The following KCNH1 variants were observed in gnomAD, a reference collection of about 807,000 sequenced individuals.
The protein encoded by KCNH1 is voltage-gated delayed rectifier potassium channel KCNH1.
In KCNH1, 27 loss-of-function variants were observed where a neutral mutation model predicts 69.2. The observed-to-expected ratio is 0.39, with a 90% CI of 0.29 to 0.54. The LOEUF (loss-of-function observed/expected upper bound fraction) is 0.54. Ranked by LOEUF, KCNH1 falls within the 20% of genes least tolerant of loss-of-function variation. KCNH1 has a pLI of 0.68. For missense variants in KCNH1, 798 were observed against 1,261.6 expected (o/e 0.63, Z 5.57); for synonymous variants, 456 against 487.7 (o/e 0.93, Z 0.86).
intron 10 of KCNH1, among the ~76,000 whole-genome samples, chr1:210,687,203 A>G (rs904951468): frequency 2.0e-5 from 3 of 152,258 alleles, no homozygotes; most frequent in African/African-American, 7.2e-5. Context: ...GAGGCTGTAC[A>G]GCAAAGGCTT....
At chr1:211,107,153 C>A (rs1037211092) in intron 2 of KCNH1, 101 bp downstream of exon 2, 2 of 1,326,880 alleles carry the variant, frequency 1.5e-6, no homozygotes, top group South Asian at 2.5e-5. Context: ...TGAATACACA[C>A]TAAATGAGGT....
At chr1:210,862,303 A>C (rs1258196466) in intron 7 of KCNH1, 2 of 817,128 alleles carry the variant, frequency 2.4e-6, no homozygotes, top group African/African-American at 1.7e-5. Context: ...AACTAGGTCA[A>C]ACCCAGGGCT....
chr1:210,785,178 C>T (rs1173987911), intron 9 of KCNH1, among the ~76,000 whole-genome samples: 3 of 152,172 alleles, frequency 2.0e-5, no homozygotes, highest in East Asian at 1.9e-4. Context: ...CTAGGCAGGA[C>T]TATTGAGATT....
intron 10 of KCNH1, among the ~76,000 whole-genome samples, chr1:210,692,759 C>T (rs952006330): frequency 2.6e-5 from 4 of 152,126 alleles, no homozygotes; most frequent in Non-Finnish European, 4.4e-5. Context: ...CAAGGATTGC[C>T]GACAGCAACC....
chr1:210,744,346 T>A (rs1683099789), intron 10 of KCNH1, among the ~76,000 whole-genome samples: 1 of 152,198 alleles, frequency 6.6e-6, no homozygotes, highest in African/African-American at 2.4e-5. Context: ...CATGCAGGGC[T>A]TGATAAAATA....
intron 10 of KCNH1, among the ~76,000 whole-genome samples, chr1:210,712,368 T>C (rs776127301): frequency 6.6e-6 from 1 of 152,186 alleles, no homozygotes; most frequent in Non-Finnish European, 1.5e-5. Flanking sequence ...TTTCTGACAC[T>C]TCCTGGTACT....
At position 211,132,082 on chromosome 1, in the gene KCNH1, C is replaced by T. The variant is rs549891323; in HGVS notation, c.79+1785G>A. ...TTTTACATGTAAGTTTCTCTTCCTG[C>T]TCCCTCCACTCAAAAACATACACAG... is the stretch of plus-strand genomic sequence containing the variant. On this transcript the variant is annotated intron_variant, in intron 1 of 10. Coordinates refer to ENST00000271751, the MANE Select transcript of KCNH1 (RefSeq NM_172362.3). 8.5e-5 allele frequency among the ~76,000 whole-genome samples: 13 copies of T among 152,296 alleles called. No homozygotes were observed. In the South Asian group the frequency reaches 2.5e-3, roughly 29 times the overall value.
intron 6 of KCNH1, among the ~76,000 whole-genome samples, chr1:210,969,838 CTTT>C (rs577515798): frequency 3.6e-4 from 55 of 151,958 alleles, no homozygotes; most frequent in South Asian, 2.7e-3. Context: ...AATCTTTCTT[CTTT>C]GATATCTTAA....
intron 10 of KCNH1, among the ~76,000 whole-genome samples, chr1:210,692,199 T>C (rs1681542074): frequency 6.6e-6 from 1 of 152,184 alleles, no homozygotes. Context: ...TTCACTCTTA[T>C]AAGGCCCCTC....
chr1:210,816,160 G>A (rs374187334), intron 7 of KCNH1, among the ~76,000 whole-genome samples: 1 of 152,116 alleles, frequency 6.6e-6, no homozygotes, highest in South Asian at 2.1e-4. Flanking sequence ...CCCCGAAACA[G>A]AGAATATAAA....
intron 3 of KCNH1, among the ~76,000 whole-genome samples, chr1:211,099,015 CA>C (rs995005820): frequency 9.2e-5 from 14 of 152,186 alleles, no homozygotes; most frequent in African/African-American, 2.6e-4. Context: ...ATAATGTCAA[CA>C]AAATATATTT....
At chr1:210,856,830 TAA>T (rs1558499213) in intron 7 of KCNH1, among the ~76,000 whole-genome samples, 1 of 134,620 alleles carries the variant, frequency 7.4e-6, no homozygotes, top group Non-Finnish European at 1.6e-5. Context: ...ATTTTATATA[TAA>T]TATATATAAA....
chr1:210,866,174 A>C (rs1182871773), intron 7 of KCNH1, among the ~76,000 whole-genome samples: 3 of 152,206 alleles, frequency 2.0e-5, no homozygotes, highest in Non-Finnish European at 4.4e-5. Flanking sequence ...TTAGATGAAA[A>C]TATAGGGGCA....
intron 10 of KCNH1, among the ~76,000 whole-genome samples, chr1:210,729,106 G>A (rs747873980): frequency 6.6e-6 from 1 of 152,234 alleles, no homozygotes; most frequent in South Asian, 2.1e-4. Flanking sequence ...GCAGAAAAGG[G>A]TTAGAAGAAG....
intron 7 of KCNH1, among the ~76,000 whole-genome samples, chr1:210,869,483 TCGTG>T (rs1686187522): frequency 9.6e-6 from 1 of 104,440 alleles, no homozygotes; most frequent in Admixed American, 1.3e-4. Context: ...TAGTTATAAG[TCGTG>T]TGTGTGTGTG....
intron 10 of KCNH1, among the ~76,000 whole-genome samples, chr1:210,713,026 G>A (rs1172969697): frequency 1.3e-5 from 2 of 152,132 alleles, no homozygotes; most frequent in Non-Finnish European, 2.9e-5. Context: ...CAGGAGGGGT[G>A]CTATTGTGCA....
intron 3 of KCNH1, among the ~76,000 whole-genome samples, chr1:211,098,246 G>C (rs904778923): frequency 5.9e-5 from 9 of 151,596 alleles, no homozygotes; most frequent in Non-Finnish European, 1.2e-4. Context: ...GCTGGAGCCT[G>C]GGATGCAGAG....
At chr1:210,914,598 G>A (rs12569143) in intron 7 of KCNH1, among the ~76,000 whole-genome samples, 7,198 of 152,090 alleles carry the variant, frequency 0.047, 345 homozygotes, top group East Asian at 0.26. Context: ...GAAGGCAATA[G>A]AAGGAAACAC....
At chr1:210,689,187 C>T (rs1212066734) in intron 10 of KCNH1, among the ~76,000 whole-genome samples, 4 of 152,200 alleles carry the variant, frequency 2.6e-5, no homozygotes, top group Non-Finnish European at 5.9e-5. Flanking sequence ...CACTCAGATC[C>T]TTAAGCTACA....
Sources: gnomAD v4.1 joint callset for allele counts (sites outside exome capture counted in the v4.1 genomes callset) on GRCh38, gnomAD v4.1.1 for gene constraint, MANE v1.5 for transcripts, NCBI Gene and HGNC (gene_info 2026-07-23, HGNC 2026-07-21) for gene names.